FBLN7: variants seen among roughly 807,000 people sequenced by gnomAD.
FBLN7 encodes the protein fibulin 7.
In FBLN7, 31 loss-of-function variants were observed where a neutral mutation model predicts 44.0. The ratio of observed to expected loss-of-function variants is 0.70; its 90% CI spans 0.53 to 0.95. FBLN7 has a LOEUF of 0.95. FBLN7 is among the 40% of genes least tolerant of loss of function. The probability of loss-of-function intolerance (pLI) is 0.00; values close to 1 mark genes in which losing one functional copy is unlikely to be tolerated. For missense variants in FBLN7, 573 were observed against 618.5 expected (o/e 0.93, Z 0.78); for synonymous variants, 262 against 253.4 (o/e 1.03, Z -0.32).
At chr2:112,234,199 T>A in the FBLN7 span, 9 of 1,609,704 alleles carry the variant, frequency 5.6e-6, no homozygotes, top group East Asian at 1.8e-4. Flanking sequence ...GATGAATGCC[T>A]GACTCAAATG....
chr2:112,174,784 A>G (rs1682650815), intron 3 of FBLN7, among the ~76,000 whole-genome samples: 2 of 151,884 alleles, frequency 1.3e-5, no homozygotes, highest in African/African-American at 4.8e-5. Flanking sequence ...ATCTCGGCTC[A>G]CTGCAACCTC....
the FBLN7 span, among the ~76,000 whole-genome samples, chr2:112,202,627 T>C: frequency 6.6e-6 from 1 of 152,166 alleles, no homozygotes; most frequent in East Asian, 1.9e-4. Context: ...GGAAATTAAC[T>C]GAAGGCTAGC....
At chr2:112,165,676 G>T (rs887910141) in intron 3 of FBLN7, among the ~76,000 whole-genome samples, 6 of 152,170 alleles carry the variant, frequency 3.9e-5, no homozygotes, top group Admixed American at 3.9e-4. Flanking sequence ...TGTCTGTGAG[G>T]CTGCTGGTAA....
In FBLN7 at chr2:112,187,212, C is replaced by T. The variant is rs773935441; in HGVS notation, c.1026C>T (p.Leu342=). ...CCAAGACCATCTCCTTCCATTACCT[C>T]TCTCTGCCTTCCAACCTGAAGACGC... ...HLPKTISFHY[L]SLPSNLKTPI... Residue 342 remains leucine, a synonymous_variant, in exon 8 of 8, where the codon CTC becomes CTT. Coordinates refer to ENST00000331203, the MANE Select transcript of FBLN7 (RefSeq NM_153214.3). The surrounding 1 kb of genome is among the most constrained non-coding windows in gnomAD (Gnocchi z 5.1). The T allele has an allele frequency of 1.2e-6, 2 of 1,614,136 alleles. No homozygotes were observed. The highest frequency in any genetic ancestry group is 1.7e-5 in the Admixed American group (1 of 60,022).
intron 2 of FBLN7, among the ~76,000 whole-genome samples, chr2:112,161,765 C>A (rs530107162): frequency 6.6e-6 from 1 of 152,244 alleles, no homozygotes; most frequent in Non-Finnish European, 1.5e-5. Context: ...CAGGGGCTTT[C>A]ATCTCTGAAA....
the FBLN7 span, among the ~76,000 whole-genome samples, chr2:112,237,461 CATCT>C: frequency 6.6e-6 from 1 of 152,136 alleles, no homozygotes; most frequent in African/African-American, 2.4e-5. Context: ...CGCATTTATC[CATCT>C]ATCCTGCAAT....
At chr2:112,163,662 C>T (rs1310432476) in intron 2 of FBLN7, among the ~76,000 whole-genome samples, 1 of 152,182 alleles carries the variant, frequency 6.6e-6, no homozygotes, top group Non-Finnish European at 1.5e-5. Flanking sequence ...GCCTGAGCTT[C>T]CCTCCCCTTC....
the FBLN7 span, chr2:112,214,997 C>G: frequency 6.6e-6 from 1 of 152,018 alleles, no homozygotes; most frequent in South Asian, 2.1e-4. Context: ...TTTAAGTTTA[C>G]AAGTGAGATG....
At chr2:112,163,626 G>A (rs1167566261) in intron 2 of FBLN7, among the ~76,000 whole-genome samples, 2 of 152,138 alleles carry the variant, frequency 1.3e-5, no homozygotes, top group Non-Finnish European at 1.5e-5. Flanking sequence ...TTCGAACCAT[G>A]TCCCTCATGC....
chr2:112,222,506 T>TATGCTAA, the FBLN7 span, among the ~76,000 whole-genome samples: 1 of 152,170 alleles, frequency 6.6e-6, no homozygotes, highest in African/African-American at 2.4e-5. Context: ...TTGAGGACAT[T>TATGCTAA]ATGCTAAATG....
the FBLN7 span, among the ~76,000 whole-genome samples, chr2:112,222,659 A>G: frequency 2.1e-3 from 324 of 152,330 alleles, no homozygotes; most frequent in African/African-American, 7.4e-3. Flanking sequence ...GATTTCACTT[A>G]TATGAGATAA....
the FBLN7 span, among the ~76,000 whole-genome samples, chr2:112,223,631 T>A: frequency 6.6e-6 from 1 of 152,144 alleles, no homozygotes; most frequent in African/African-American, 2.4e-5. Flanking sequence ...TAGGTTTAGA[T>A]GTGCTGAGAA....
chr2:112,160,742 ACACG>A lies in FBLN7; in HGVS notation c.235+909_235+912del, dbSNP rs1553474974. Among the ~76,000 whole-genome samples, 7 of 81,048 alleles carry A rather than the reference ACACG, an allele frequency of 8.6e-5. 1 individual carries two copies. Among genetic ancestry groups the A allele is most frequent in the African/African-American group, 3.4e-4 (6 of 17,900 alleles). 53.2% of individuals were successfully genotyped at this position (81,048 alleles called of 152,430 possible). On this transcript the variant is annotated intron_variant, in intron 2 of 7. Transcript: ENST00000331203. The stretch of plus-strand genomic sequence containing the variant: ...CACGCGCACACGCACGCACACGCAC[ACACG>A]CGCACGCACACACGCACGCACACGC...
At chr2:112,236,544 A>C in the FBLN7 span, 95 of 1,609,068 alleles carry the variant, frequency 5.9e-5, no homozygotes, top group Non-Finnish European at 7.8e-5. Flanking sequence ...GTATTCCTAG[A>C]AGCATATATT....
At chr2:112,165,371 T>C (rs778581599) in intron 3 of FBLN7, among the ~76,000 whole-genome samples, 200 bp downstream of exon 3, 2 of 152,232 alleles carry the variant, frequency 1.3e-5, no homozygotes, top group African/African-American at 2.4e-5. Flanking sequence ...GAGCTCACTA[T>C]ATCTTCACAA....
chr2:112,166,311 A>G (rs1682155524), intron 3 of FBLN7, among the ~76,000 whole-genome samples: 1 of 152,172 alleles, frequency 6.6e-6, no homozygotes, highest in African/African-American at 2.4e-5. Flanking sequence ...TCGGCCTCCC[A>G]AAGTGCTGGG....
At chr2:112,155,724 C>A (rs1254519795) in intron 1 of FBLN7, among the ~76,000 whole-genome samples, 3 of 152,198 alleles carry the variant, frequency 2.0e-5, no homozygotes, top group Non-Finnish European at 4.4e-5. Flanking sequence ...GCCTGTTGCC[C>A]ACGGAGCAGG....
At position 112,181,806 on chromosome 2, in the gene FBLN7, G is replaced by T; in HGVS notation, c.600G>T (p.Glu200Asp). ...FSRAPRCAQVERAQHCSCEAG... is the reference protein window; with the variant it reads ...FSRAPRCAQVDRAQHCSCEAG... ...GCGCGCCGCGCTGTGCGCAGGTGGA[G>T]CGGGCTCAGCACTGCAGCTGCGAGG... The change falls in exon 5 of 8, where the codon GAG (glutamate) becomes GAT (aspartate). Residue 200 changes from glutamate to aspartate, a missense_variant. By Grantham distance (45) the Glu-to-Asp change is conservative (BLOSUM62 2). Coordinates refer to ENST00000331203, the MANE Select transcript of FBLN7 (RefSeq NM_153214.3). The T allele has an allele frequency of 6.7e-7, 1 of 1,495,832 alleles. No individual in the cohort carries two copies. The allele number at this position is 1,495,832 out of a possible 1,614,324, so 92.7% of individuals were successfully genotyped here.
At chr2:112,184,404 G>A (rs1456070875) in intron 6 of FBLN7, among the ~76,000 whole-genome samples, 2 of 152,166 alleles carry the variant, frequency 1.3e-5, no homozygotes, top group Non-Finnish European at 2.9e-5. Flanking sequence ...GGCTGGAGCA[G>A]GAGAAGGCAT....
Sources: gnomAD v4.1 joint callset for allele counts (sites outside exome capture counted in the v4.1 genomes callset) on GRCh38, gnomAD v4.1.1 for gene constraint, Gnocchi (gnomAD v3.1) non-coding constraint, MANE v1.5 for transcripts, NCBI Gene and HGNC (gene_info 2026-07-23, HGNC 2026-07-21) for gene names.